Variants in XPO6 observed in about 807,000 individuals in gnomAD.
XPO6 encodes the protein exportin-6.
XPO6 carries 3 observed loss-of-function variants against 130.0 expected under a neutral mutation model. The ratio of observed to expected loss-of-function variants is 0.02; its 90% confidence interval spans 0.01 to 0.06. The LOEUF (loss-of-function observed/expected upper bound fraction) is 0.06. Ranked by LOEUF, XPO6 falls within the 10% of genes least tolerant of loss-of-function variation. The probability of loss-of-function intolerance (pLI) is 1.00; values close to 1 mark genes in which losing one functional copy is unlikely to be tolerated. For missense variants in XPO6, 970 were observed against 1,393.0 expected, an observed-to-expected ratio of 0.70 and a Z score of 4.83; for synonymous variants, 524 against 548.9, an observed-to-expected ratio of 0.95 and a Z score of 0.63.
chr16:28,181,219 C>A, intron 1 of XPO6, 188 bp from the exon 2 acceptor site: 1 of 498,324 alleles, frequency 2.0e-6, no homozygotes, highest in East Asian at 3.4e-5. Flanking sequence ...CAAAACCCAA[C>A]GTTGTTGTTG....
At chr16:28,180,555 G>C (rs1269543429) in intron 2 of XPO6, among the ~76,000 whole-genome samples, 2 of 152,006 alleles carry the variant, frequency 1.3e-5, no homozygotes, top group African/African-American at 2.4e-5. Context: ...TAACCATCCA[G>C]GTGCAGTGGC....
intron 12 of XPO6, among the ~76,000 whole-genome samples, chr16:28,128,788 T>C (rs16939854): frequency 0.043 from 6,510 of 152,016 alleles, 480 homozygotes; most frequent in African/African-American, 0.15. Flanking sequence ...CAAACACGGG[T>C]AAAGTAAATC....
intron 1 of XPO6, among the ~76,000 whole-genome samples, chr16:28,183,934 T>C (rs948197313): frequency 1.3e-5 from 2 of 152,106 alleles, no homozygotes; most frequent in Admixed American, 1.3e-4. Flanking sequence ...AGAAAAGACA[T>C]AGAAGGCACA....
chr16:28,112,871 C>G (rs536811220), intron 16 of XPO6, 33 bp downstream of exon 16: 4 of 1,603,584 alleles, frequency 2.5e-6, no homozygotes, highest in Non-Finnish European at 3.4e-6. Flanking sequence ...GTCACACAGC[C>G]CTGGGGACCC....
chr16:28,174,111 G>C (rs1948312561), intron 4 of XPO6, among the ~76,000 whole-genome samples: 1 of 152,116 alleles, frequency 6.6e-6, no homozygotes, highest in Non-Finnish European at 1.5e-5. Flanking sequence ...TCCTCAACTT[G>C]GATTGAAGGC....
At chr16:28,154,269 A>AG (rs1471292877) in intron 7 of XPO6, 8 of 981,684 alleles carry the variant, frequency 8.1e-6, no homozygotes, top group Non-Finnish European at 1.2e-6. Context: ...AAAAAAAAAA[A>AG]AAAAAAAAAA....
intron 9 of XPO6, among the ~76,000 whole-genome samples, chr16:28,137,946 C>T (rs1242920673): frequency 1.3e-5 from 2 of 152,082 alleles, no homozygotes; most frequent in Admixed American, 6.6e-5. Flanking sequence ...CTCCCGACAG[C>T]TCGTTTCTTA....
rs1430503740 is a variant in XPO6 at position 28,106,113 on chromosome 16, T to C, written c.2714A>G (p.Gln905Arg). ...ILQVVVQEPG[Q>R]VFKPFLPSII... ...GCTGGGGAGGAAGGGCTTGAACACC[T>C]GGCCTGGCTCCTGGACCACCACCTG... Residue 905 changes from glutamine to arginine, a missense_variant, in exon 20 of 24, where the codon CAG becomes CGG. Transcript: ENST00000304658. The surrounding 1 kb of genome is among the most constrained non-coding windows in gnomAD (Gnocchi z 4.2). The C allele has an allele frequency of 6.2e-7, 1 of 1,614,218 alleles. No homozygotes were observed. Among genetic ancestry groups the C allele is most frequent in the East Asian group, 2.2e-5 (1 of 44,882 alleles).
In XPO6 at chr16:28,106,011, G is replaced by T. The variant is rs1481343595; in HGVS notation, c.2784+32C>A. On this transcript the variant is annotated intron_variant, in intron 20 of 23. Transcript: ENST00000304658. This position sits in a 1 kb window ranked among gnomAD's most constrained non-coding sequence, Gnocchi z 4.2. ...TTCCCTTCCCAATCTGGAGATGGGG[G>T]GTGCTGCACAGGGGACCGTCTGAGC... 6.3e-7 allele frequency: 1 copy of T among 1,589,520 alleles called. No individual in the cohort carries two copies. The highest frequency in any genetic ancestry group is 8.6e-7 in the Non-Finnish European group (1 of 1,163,190).
chr16:28,207,063 G>C (rs1184717407), intron 1 of XPO6, among the ~76,000 whole-genome samples: 2 of 151,906 alleles, frequency 1.3e-5, no homozygotes, highest in Non-Finnish European at 2.9e-5. Flanking sequence ...CCTGACCAAC[G>C]TGGTGAAACC....
At chr16:28,110,219 A>C (rs776745442) in intron 17 of XPO6, among the ~76,000 whole-genome samples, 5 of 152,238 alleles carry the variant, frequency 3.3e-5, no homozygotes, top group African/African-American at 4.8e-5. Flanking sequence ...CACAGTCAGC[A>C]TACTGAAGAC....
chr16:28,158,850 G>A (rs2043225138), intron 6 of XPO6, among the ~76,000 whole-genome samples: 1 of 151,848 alleles, frequency 6.6e-6, no homozygotes. Context: ...GAAAGCACTA[G>A]ACTAAAGGAA....
At chr16:28,141,061 C>G (rs1205917299) in intron 9 of XPO6, among the ~76,000 whole-genome samples, 1 of 152,230 alleles carries the variant, frequency 6.6e-6, no homozygotes, top group Non-Finnish European at 1.5e-5. Flanking sequence ...CTGATCTAAA[C>G]CTAGTTCACA....
intron 1 of XPO6, among the ~76,000 whole-genome samples, chr16:28,194,534 G>C (rs2043830124): frequency 1.3e-5 from 2 of 151,966 alleles, no homozygotes; most frequent in South Asian, 2.1e-4. Context: ...TAATTAATAA[G>C]GGTAGAGGAG....
At chr16:28,118,066 G>C (rs2087116062) in intron 14 of XPO6, among the ~76,000 whole-genome samples, 1 of 152,218 alleles carries the variant, frequency 6.6e-6, no homozygotes, top group Non-Finnish European at 1.5e-5. Context: ...TAAACAAGGA[G>C]AGACAGTTGT....
rs1158204334 is a variant in XPO6, at chr16:28,160,503, C to CAAAAAAAAAAAAAAAAAAAAAAAA, written c.644-3977_644-3976insTTTTTTTTTTTTTTTTTTTTTTTT. Among the ~76,000 whole-genome samples the CAAAAAAAAAAAAAAAAAAAAAAAA allele has an allele frequency of 4.0e-4, 47 of 116,620 alleles. 1 individual carries two copies. The highest frequency in any genetic ancestry group is 2.8e-3 in the East Asian group (11 of 3,948). The allele number at this position is 116,620 out of a possible 152,430, so 76.5% of individuals were successfully genotyped here. On this transcript the variant is annotated intron_variant, in intron 6 of 23. Coordinates refer to ENST00000304658, the MANE Select transcript of XPO6 (RefSeq NM_015171.4). The stretch of plus-strand genomic sequence containing the variant: ...TGGATAACAAAGTGAGACTCCATCA[C>CAAAAAAAAAAAAAAAAAAAAAAAA]CAAAAAAAAAAAAAAAATCAAGTAA...
At chr16:28,197,143 T>A (rs2043877500) in intron 1 of XPO6, among the ~76,000 whole-genome samples, 3 of 151,956 alleles carry the variant, frequency 2.0e-5, no homozygotes, top group Admixed American at 2.0e-4. Context: ...TCCCAGCTAC[T>A]CGGGAGGCTG....
intron 13 of XPO6, 68 bp from the exon 14 acceptor site, chr16:28,121,830 G>T: frequency 9.1e-7 from 1 of 1,097,800 alleles, no homozygotes; most frequent in Non-Finnish European, 1.4e-6. Flanking sequence ...AACAGACAAG[G>T]CTGGTACCAG....
intron 4 of XPO6, among the ~76,000 whole-genome samples, chr16:28,174,694 A>G (rs1444862136): frequency 1.3e-5 from 2 of 152,210 alleles, no homozygotes; most frequent in African/African-American, 4.8e-5. Flanking sequence ...ATTCTTTTTG[A>G]ATTGCTGCAT....
Sources: allele counts gnomAD v4.1 joint callset (sites outside exome capture counted in the v4.1 genomes callset), GRCh38; gene constraint gnomAD v4.1.1; non-coding constraint Gnocchi (gnomAD v3.1); transcripts MANE v1.5; gene names NCBI Gene and HGNC (gene_info 2026-07-23, HGNC 2026-07-21).